The following CNTNAP4 variants were observed in gnomAD, a reference collection of about 807,000 sequenced individuals.
The protein encoded by CNTNAP4 is contactin-associated protein-like 4.
CNTNAP4 carries 98 observed loss-of-function variants against 148.4 expected under a neutral mutation model. The observed-to-expected ratio is 0.66, with a 90% CI of 0.56 to 0.78. CNTNAP4 has a LOEUF of 0.78. Ranked by LOEUF, CNTNAP4 falls within the 30% of genes least tolerant of loss-of-function variation. The pLI is 0.00. For missense variants in CNTNAP4, 1,935 were observed against 1,565.6 expected, an observed-to-expected ratio of 1.24 and a Z score of -3.98; for synonymous variants, 730 against 565.1, an observed-to-expected ratio of 1.29 and a Z score of -4.14.
At chr16:76,502,534 A>G (rs2082691507) in intron 15 of CNTNAP4, among the ~76,000 whole-genome samples, 1 of 152,182 alleles carries the variant, frequency 6.6e-6, no homozygotes. Flanking sequence ...CTGAGAAATA[A>G]CTTAATTCTC....
intron 3 of CNTNAP4, among the ~76,000 whole-genome samples, chr16:76,420,216 T>C (rs1597479527): frequency 6.6e-6 from 1 of 150,752 alleles, no homozygotes; most frequent in Non-Finnish European, 1.5e-5. Context: ...CTGTAGAATA[T>C]ATATTAGAAT....
At chr16:76,375,014 C>T (rs943109040) in intron 3 of CNTNAP4, among the ~76,000 whole-genome samples, 19 of 152,136 alleles carry the variant, frequency 1.2e-4, no homozygotes, top group African/African-American at 3.9e-4. Flanking sequence ...GGTGATCTGC[C>T]CGCCTTGGCC....
At chr16:76,502,814 G>GA (rs967817597) in intron 15 of CNTNAP4, among the ~76,000 whole-genome samples, 1 of 150,034 alleles carries the variant, frequency 6.7e-6, no homozygotes, top group Admixed American at 6.6e-5. Flanking sequence ...TTTTTTAACA[G>GA]AAAAAAAAGT....
Position 76,356,126 on chromosome 16 carries a change from C to T in CNTNAP4, c.390+615C>T, listed in dbSNP as rs576216461. On this transcript the variant is annotated intron_variant, in intron 3 of 23. Transcript: ENST00000611870. ...CTGGCCTCAAGCAGTCCACCTGTCT[C>T]GGCGTCCCAAAGTGCTGGGATTATA... Among the ~76,000 whole-genome samples the T allele has an allele frequency of 2.6e-4, 39 of 152,166 alleles. No individual in the cohort carries two copies. In the South Asian group the frequency reaches 4.2e-3, roughly 16 times the overall value.
chr16:76,539,354 T>C (rs1435726383), intron 19 of CNTNAP4, among the ~76,000 whole-genome samples: 2 of 152,064 alleles, frequency 1.3e-5, no homozygotes, highest in Admixed American at 6.6e-5. Flanking sequence ...TGAGATATAT[T>C]TTTTAAATAT....
chr16:76,288,845 G>A (rs1057025686), intron 1 of CNTNAP4, among the ~76,000 whole-genome samples: 2 of 152,076 alleles, frequency 1.3e-5, no homozygotes, highest in Non-Finnish European at 1.5e-5. Context: ...AGACAAATTG[G>A]AAAATTGTGT....
intron 4 of CNTNAP4, among the ~76,000 whole-genome samples, chr16:76,429,119 G>A (rs2079524804): frequency 6.6e-6 from 1 of 152,094 alleles, no homozygotes; most frequent in Non-Finnish European, 1.5e-5. Flanking sequence ...AGGCTTTCGT[G>A]GCTTCAACAA....
At chr16:76,337,445 G>A (rs1161836201) in intron 2 of CNTNAP4, among the ~76,000 whole-genome samples, 1 of 152,138 alleles carries the variant, frequency 6.6e-6, no homozygotes, top group South Asian at 2.1e-4. Flanking sequence ...AAACCAGCAA[G>A]TTTTTATTAG....
At chr16:76,360,432 G>C (rs997514126) in intron 3 of CNTNAP4, among the ~76,000 whole-genome samples, 2 of 152,210 alleles carry the variant, frequency 1.3e-5, no homozygotes, top group African/African-American at 4.8e-5. Context: ...GTGCAAAAGA[G>C]ATATAAGCTG....
At chr16:76,299,871 C>T (rs1239046600) in intron 1 of CNTNAP4, among the ~76,000 whole-genome samples, 4 of 152,092 alleles carry the variant, frequency 2.6e-5, no homozygotes, top group African/African-American at 9.7e-5. Flanking sequence ...TGGAAACCAT[C>T]ATTATCAGCA....
intron 21 of CNTNAP4, among the ~76,000 whole-genome samples, chr16:76,549,116 C>A (rs1464278042): frequency 6.6e-6 from 1 of 151,994 alleles, no homozygotes; most frequent in Non-Finnish European, 1.5e-5. Flanking sequence ...GTGGGGCTTC[C>A]TACCTTCTGG....
intron 2 of CNTNAP4, among the ~76,000 whole-genome samples, chr16:76,327,428 C>T (rs540024436): frequency 2.6e-5 from 4 of 152,156 alleles, no homozygotes; most frequent in South Asian, 2.1e-4. Flanking sequence ...TGTGTATATA[C>T]GACATTTTCT....
In CNTNAP4 at chr16:76,501,700, G is replaced by A. The variant is rs74645452; in HGVS notation, c.2365+3006G>A. 3.5e-3 allele frequency among the ~76,000 whole-genome samples: 539 copies of A among 152,246 alleles called. 2 individuals are homozygous for A. The highest frequency in any genetic ancestry group is 0.012 in the African/African-American group (516 of 41,542). On this transcript the variant is annotated intron_variant, in intron 15 of 23. Coordinates refer to ENST00000611870, the MANE Select transcript of CNTNAP4 (RefSeq NM_033401.5). The stretch of plus-strand genomic sequence containing the variant: ...AAGAATTATCTGGCCCCAAATGTCA[G>A]TAGTACTGAGGCTGAGAAACTAGAG...
At chr16:76,501,116 T>C (rs950463744) in intron 15 of CNTNAP4, among the ~76,000 whole-genome samples, 1 of 152,226 alleles carries the variant, frequency 6.6e-6, no homozygotes, top group African/African-American at 2.4e-5. Flanking sequence ...ACCATTATAC[T>C]CACCATCTCT....
chr16:76,502,022 T>G (rs1021857772), intron 15 of CNTNAP4, among the ~76,000 whole-genome samples: 5 of 149,042 alleles, frequency 3.4e-5, no homozygotes, highest in Non-Finnish European at 5.9e-5. Context: ...TGAGCCGAGA[T>G]CCCGCCACTG....
chr16:76,344,345 T>C (rs933004720), intron 2 of CNTNAP4, among the ~76,000 whole-genome samples: 6 of 152,166 alleles, frequency 3.9e-5, no homozygotes, highest in African/African-American at 1.4e-4. Context: ...TTGAATTGGA[T>C]AGATGCATTA....
At chr16:76,431,479 G>C (rs755127468) in intron 4 of CNTNAP4, among the ~76,000 whole-genome samples, 7 of 152,112 alleles carry the variant, frequency 4.6e-5, no homozygotes, top group African/African-American at 7.2e-5. Flanking sequence ...AGGAGTTCGA[G>C]ACCAGCCTGG....
intron 17 of CNTNAP4, 48 bp from the exon 18 acceptor site, chr16:76,535,497 A>G: frequency 6.3e-7 from 1 of 1,597,344 alleles, no homozygotes. Context: ...TTAAACCCTG[A>G]ATAAAACACC....
At chr16:76,310,948 T>C (rs759345522) in intron 1 of CNTNAP4, among the ~76,000 whole-genome samples, 7 of 152,142 alleles carry the variant, frequency 4.6e-5, no homozygotes, top group Non-Finnish European at 1.5e-5. Context: ...TTGTTTAATT[T>C]TCCTAATTTA....
Sources: gnomAD v4.1 joint callset for allele counts (sites outside exome capture counted in the v4.1 genomes callset) on GRCh38, gnomAD v4.1.1 for gene constraint, MANE v1.5 for transcripts, NCBI Gene and HGNC (gene_info 2026-07-23, HGNC 2026-07-21) for gene names.